DCAF5: variants seen among roughly 807,000 people sequenced by gnomAD.
DCAF5 encodes the protein DDB1 and CUL4 associated factor 5, also known as DDB1- and CUL4-associated factor 5.
A neutral mutation model predicts 80.7 loss-of-function variants in DCAF5; 9 were observed. The observed-to-expected ratio is 0.11, with a 90% CI of 0.07 to 0.19. The LOEUF (loss-of-function observed/expected upper bound fraction) is 0.19. Ranked by LOEUF, DCAF5 falls within the 10% of genes least tolerant of loss-of-function variation. The pLI is 1.00. For synonymous variants in DCAF5, 433 were observed against 461.9 expected (o/e 0.94, Z 0.80); for missense variants, 842 against 1,205.7 (o/e 0.70, Z 4.47).
intron 1 of DCAF5, among the ~76,000 whole-genome samples, chr14:69,150,943 C>T (rs2041683124): frequency 6.6e-6 from 1 of 152,132 alleles, no homozygotes; most frequent in South Asian, 2.1e-4. Flanking sequence ...CGTGTGACTA[C>T]TTACAATTCC....
intron 6 of DCAF5, among the ~76,000 whole-genome samples, chr14:69,086,925 T>C (rs940714876): frequency 6.6e-6 from 1 of 152,240 alleles, no homozygotes; most frequent in Admixed American, 6.5e-5. Flanking sequence ...GGTACGCCAG[T>C]GCTCAGCCTT....
intron 1 of DCAF5, among the ~76,000 whole-genome samples, chr14:69,141,044 G>A (rs2041355585): frequency 6.7e-6 from 1 of 148,278 alleles, no homozygotes; most frequent in Non-Finnish European, 1.5e-5. Flanking sequence ...TGAGGCAGGA[G>A]AATTGCTTGA....
chr14:69,131,759 CTTT>C (rs11458918), intron 1 of DCAF5, among the ~76,000 whole-genome samples: 2 of 133,872 alleles, frequency 1.5e-5, no homozygotes, highest in African/African-American at 2.8e-5. Flanking sequence ...ACTTTCCAGG[CTTT>C]TTTTTTTTTT....
At chr14:69,068,520 GA>G (rs2038551971) in intron 7 of DCAF5, among the ~76,000 whole-genome samples, 1 of 152,068 alleles carries the variant, frequency 6.6e-6, no homozygotes, top group Non-Finnish European at 1.5e-5. Context: ...CCAACATGGA[GA>G]AACCCTGTCT....
intron 1 of DCAF5, among the ~76,000 whole-genome samples, chr14:69,139,832 A>G (rs1006102196): frequency 2.0e-5 from 3 of 151,210 alleles, no homozygotes; most frequent in African/African-American, 7.3e-5. Flanking sequence ...GTCTCAAAAA[A>G]AAAAAAAAGA....
intron 7 of DCAF5, among the ~76,000 whole-genome samples, chr14:69,074,430 G>T (rs546396303): frequency 6.6e-6 from 1 of 152,240 alleles, no homozygotes; most frequent in Non-Finnish European, 1.5e-5. Context: ...TAAGTAAAAA[G>T]AATGAAGAGG....
chr14:69,056,156 C>G (rs1189940417), intron 8 of DCAF5, among the ~76,000 whole-genome samples: 1 of 152,186 alleles, frequency 6.6e-6, no homozygotes, highest in Non-Finnish European at 1.5e-5. Context: ...CTATTTTTAA[C>G]TAATGGGAAT....
At chr14:69,073,088 T>A (rs1005386513) in intron 7 of DCAF5, among the ~76,000 whole-genome samples, 1 of 152,234 alleles carries the variant, frequency 6.6e-6, no homozygotes, top group African/African-American at 2.4e-5. Context: ...CTGGTCAGAC[T>A]AAATCTGCTA....
In DCAF5 at chr14:69,055,134, G is replaced by T; in HGVS notation, c.1552C>A (p.Arg518Ser). The T allele has an allele frequency of 6.2e-7, 1 of 1,614,234 alleles. No individual in the cohort carries two copies. The highest frequency in any genetic ancestry group is 8.5e-7 in the Non-Finnish European group (1 of 1,180,048). Residue 518 changes from arginine (R) to serine (S), a missense_variant, in exon 9 of 9, where the codon CGC (arginine) becomes AGC (serine). Arg to Ser is a moderately radical substitution (Grantham distance 110). Transcript: ENST00000341516. The surrounding 1 kb of genome is among the most constrained non-coding windows in gnomAD (Gnocchi z 5.6). ...GCCAGGAGGCGTTTGTCTTGGTAGC[G>T]CCGCAGAGCAGACAGACGCTGCTGG... ...SRQQRLSALR[R>S]YQDKRLLALS...
chr14:69,149,774 C>T (rs2041646560), intron 1 of DCAF5, among the ~76,000 whole-genome samples: 2 of 152,190 alleles, frequency 1.3e-5, no homozygotes, highest in Admixed American at 1.3e-4. Context: ...ATCTCATTAC[C>T]ATCCCAGAGT....
In DCAF5 at chr14:69,054,115, C is replaced by G. The variant is rs761276992; in HGVS notation, c.2571G>C (p.Val857=). The G allele has an allele frequency of 1.9e-5, 30 of 1,614,094 alleles. No individual in the cohort carries two copies. The highest frequency in any genetic ancestry group is 2.5e-5 in the Non-Finnish European group (29 of 1,180,056). ...CTGAGTGTCCTGGGGAAGAGTAGGC[C>G]ACCACCTCCAGCTCCCCCAAGTTCT... ...NGQNLGELEV[V]AYSSPGHSDT... is the part of the protein sequence containing the mutation. Residue 857 remains valine, a synonymous_variant, in exon 9 of 9, where the codon GTG becomes GTC. Transcript: ENST00000341516.
At chr14:69,068,167 T>C (rs1405072877) in intron 7 of DCAF5, among the ~76,000 whole-genome samples, 1 of 152,226 alleles carries the variant, frequency 6.6e-6, no homozygotes, top group Non-Finnish European at 1.5e-5. Context: ...ACATCCTTTT[T>C]TCATCTCTGT....
chr14:69,150,917 G>A (rs2041682170), intron 1 of DCAF5, among the ~76,000 whole-genome samples: 1 of 152,056 alleles, frequency 6.6e-6, no homozygotes, highest in South Asian at 2.1e-4. Context: ...AAATAAAGGT[G>A]TGTCAAGCTG....
chr14:69,097,582 ATTTTTTT>A (rs755644268), intron 5 of DCAF5, among the ~76,000 whole-genome samples: 1 of 125,300 alleles, frequency 8.0e-6, no homozygotes, highest in African/African-American at 3.0e-5. Flanking sequence ...TATTATTATT[ATTTTTTT>A]TTTTTTTTTT....
At position 69,089,925 on chromosome 14, in the gene DCAF5, G is replaced by C. The variant is rs956644410; in HGVS notation, c.879+1749C>G. On this transcript the variant is annotated intron_variant, in intron 6 of 8. Transcript: ENST00000341516. ...AAAATGTTAACAATGATAAGGATGGGAAACCATGGTCTAGGTGCTTACATG... is the reference window on the plus strand; with the variant it reads ...AAAATGTTAACAATGATAAGGATGGCAAACCATGGTCTAGGTGCTTACATG... The C allele has an allele frequency of 8.1e-6, 8 of 985,230 alleles. No individual in the cohort carries two copies. The African/African-American group carries it at 1.4e-4, about 17-fold the overall frequency. 61.0% of individuals were successfully genotyped at this position (985,230 alleles called of 1,614,324 possible). A position where few individuals can be genotyped will look rare whatever the true frequency, so the allele number is the denominator to read the frequency against.
chr14:69,151,925 G>C (rs1031448505), intron 1 of DCAF5, among the ~76,000 whole-genome samples: 17 of 152,190 alleles, frequency 1.1e-4, no homozygotes, highest in African/African-American at 4.1e-4. Flanking sequence ...AACCAGGCCC[G>C]TCTGGGCGAG....
At chr14:69,127,750 G>C (rs1293003025) in intron 1 of DCAF5, among the ~76,000 whole-genome samples, 1 of 152,094 alleles carries the variant, frequency 6.6e-6, no homozygotes, top group Non-Finnish European at 1.5e-5. Context: ...TGGGAATAAG[G>C]GGTACATGGA....
chr14:69,125,846 A>G (rs1226206767), intron 1 of DCAF5, among the ~76,000 whole-genome samples: 1 of 152,196 alleles, frequency 6.6e-6, no homozygotes, highest in Non-Finnish European at 1.5e-5. Flanking sequence ...ATATCTAAGC[A>G]TGTATTTTTA....
In DCAF5 at chr14:69,051,816, T is replaced by C. The variant is rs1431010203; in HGVS notation, c.*2041A>G. The stretch of plus-strand genomic sequence containing the variant: ...GAATAAAATAAAGGACTGGGTGTGC[T>C]GACTAAGAAGGGGAAGAGAAACACA... On this transcript the variant is annotated 3_prime_UTR_variant, in exon 9 of 9. Coordinates refer to ENST00000341516, the MANE Select transcript of DCAF5 (RefSeq NM_003861.3). 1 of 152,602 alleles carries C rather than the reference T, an allele frequency of 6.6e-6. No individual in the cohort carries two copies. Among genetic ancestry groups the C allele is most frequent in the African/African-American group, 2.4e-5 (1 of 41,428 alleles). The allele number at this position is 152,602 out of a possible 1,614,324, so 9.5% of individuals were successfully genotyped here.
Sources: allele counts gnomAD v4.1 joint callset (sites outside exome capture counted in the v4.1 genomes callset), GRCh38; gene constraint gnomAD v4.1.1; non-coding constraint Gnocchi (gnomAD v3.1); transcripts MANE v1.5; gene names NCBI Gene and HGNC (gene_info 2026-07-23, HGNC 2026-07-21).